The following LRRFIP1 variants were observed in gnomAD, a reference collection of about 807,000 sequenced individuals.
LRRFIP1 encodes the protein leucine-rich repeat flightless-interacting protein 1.
Under a neutral mutation model 104.4 loss-of-function variants are expected in LRRFIP1, and 62 were observed. That is an observed-to-expected ratio of 0.59 (90% confidence interval 0.48 to 0.73). LRRFIP1 has a LOEUF of 0.73. Among genes scored for constraint, LRRFIP1 ranks in the 30% least tolerant of loss-of-function variants. LRRFIP1 has a pLI of 0.00. For synonymous variants in LRRFIP1, 300 were observed against 299.0 expected (o/e 1.00, Z -0.03); for missense variants, 796 against 824.5 (o/e 0.97, Z 0.42).
At chr2:237,675,036 C>T (rs916089764) in intron 1 of LRRFIP1, among the ~76,000 whole-genome samples, 1 of 152,254 alleles carries the variant, frequency 6.6e-6, no homozygotes, top group East Asian at 1.9e-4. Context: ...CTGTGAGCGT[C>T]ACCCCAGCAA....
Position 237,692,626 on chromosome 2 carries a change from G to A in LRRFIP1, c.97-15918G>A. Reference sequence around the variant, plus strand: ...TGGCAGGCGCAGGTGCCCGGGAGGCGTGGGGTGGGCTCTGGCGGGACCCCA... The same window carrying A: ...TGGCAGGCGCAGGTGCCCGGGAGGCATGGGGTGGGCTCTGGCGGGACCCCA... On this transcript the variant is annotated intron_variant, in intron 1 of 23. Coordinates refer to ENST00000308482, the MANE Select transcript of LRRFIP1 (RefSeq NM_001137550.2). 2.2e-6 allele frequency: 3 copies of A among 1,333,440 alleles called. No homozygotes were observed. In the South Asian group the frequency reaches 5.2e-5, roughly 23 times the overall value. 82.6% of individuals were successfully genotyped at this position (1,333,440 alleles called of 1,614,324 possible). A position where few individuals can be genotyped will look rare whatever the true frequency, so the allele number is the denominator to read the frequency against.
At chr2:237,685,870 A>G (rs748865994) in intron 1 of LRRFIP1, among the ~76,000 whole-genome samples, 5 of 152,232 alleles carry the variant, frequency 3.3e-5, no homozygotes, top group Non-Finnish European at 7.3e-5. Flanking sequence ...TCTACCATTT[A>G]TTACACATGC....
chr2:237,688,581 C>T (rs1462677155), intron 1 of LRRFIP1, among the ~76,000 whole-genome samples: 2 of 151,790 alleles, frequency 1.3e-5, no homozygotes, highest in Admixed American at 1.3e-4. Flanking sequence ...GCCTCTGCCT[C>T]CCAAATAGCT....
chr2:237,692,380 T>G (rs935767134), intron 1 of LRRFIP1: 60 of 1,384,916 alleles, frequency 4.3e-5, no homozygotes, highest in Non-Finnish European at 5.5e-5. Flanking sequence ...GCGCGCCCCC[T>G]GGCCCGGCCC....
At chr2:237,655,601 C>T (rs1358957654) in intron 1 of LRRFIP1, among the ~76,000 whole-genome samples, 4 of 152,202 alleles carry the variant, frequency 2.6e-5, no homozygotes, top group Non-Finnish European at 5.9e-5. Context: ...AGTTAGAAAG[C>T]ATGTGGGGAA....
intron 1 of LRRFIP1, among the ~76,000 whole-genome samples, chr2:237,646,460 G>C (rs2084929137): frequency 6.7e-6 from 1 of 149,026 alleles, no homozygotes; most frequent in African/African-American, 2.4e-5. Flanking sequence ...TGCGGTGTTT[G>C]GTTTTCCTAT....
In LRRFIP1 at chr2:237,708,657, C is replaced by G. The variant is rs768886384; in HGVS notation, c.183+27C>G. On this transcript the variant is annotated intron_variant, in intron 2 of 23. Coordinates refer to ENST00000308482, the MANE Select transcript of LRRFIP1 (RefSeq NM_001137550.2). Reference sequence around the variant, plus strand: ...TAACGCTTGGGGCTCCTTGTTGGGTCTTTTCACAGTGATTTGCGTGCTGGG... The same window carrying G: ...TAACGCTTGGGGCTCCTTGTTGGGTGTTTTCACAGTGATTTGCGTGCTGGG... 10 of 1,579,186 alleles carry G rather than the reference C, an allele frequency of 6.3e-6. 1 individual carries two copies. In the South Asian group the frequency reaches 1.0e-4, roughly 16 times the overall value.
Position 237,691,836 on chromosome 2 carries a change from C to T in LRRFIP1, c.97-16708C>T, listed in dbSNP as rs2092784723. ...TCCAGGTCCTCTTTCCGGCGGGGGC[C>T]GGAGGGGTGGTGATGGACAGCCCGG... On this transcript the variant is annotated intron_variant, in intron 1 of 23. Transcript: ENST00000308482. The surrounding 1 kb of genome is among the most constrained non-coding windows in gnomAD (Gnocchi z 5.4). Among the ~76,000 whole-genome samples, 1 of 151,484 alleles carries T rather than the reference C, an allele frequency of 6.6e-6. No homozygotes were observed. Among genetic ancestry groups the T allele is most frequent in the South Asian group, 2.1e-4 (1 of 4,774 alleles).
At chr2:237,749,441 T>C in intron 13 of LRRFIP1, 117 bp downstream of exon 13, 1 of 1,187,060 alleles carries the variant, frequency 8.4e-7, no homozygotes, top group Non-Finnish European at 1.2e-6. Flanking sequence ...TGGTCCTCTC[T>C]CCCTCACCTC....
intron 17 of LRRFIP1, among the ~76,000 whole-genome samples, chr2:237,758,171 C>T (rs903486310): frequency 5.1e-5 from 7 of 137,670 alleles, no homozygotes; most frequent in South Asian, 2.5e-4. Context: ...ACCATCGGCA[C>T]GTTGACTCAA....
At chr2:237,721,550 A>G (rs1389545801) in intron 6 of LRRFIP1, 2 of 152,226 alleles carry the variant, frequency 1.3e-5, no homozygotes, top group Non-Finnish European at 2.9e-5. Flanking sequence ...TGCAGGATTG[A>G]AATTACATCT....
intron 1 of LRRFIP1, chr2:237,684,561 T>C (rs570384891): frequency 1.3e-5 from 2 of 152,370 alleles, no homozygotes; most frequent in East Asian, 3.9e-4. Context: ...TGTTAGCTGG[T>C]GAATGCAGTT....
intron 1 of LRRFIP1, among the ~76,000 whole-genome samples, chr2:237,677,061 CTTAA>C (rs755458479): frequency 5.3e-5 from 8 of 152,324 alleles, no homozygotes; most frequent in South Asian, 2.1e-4. Context: ...AGTTTGCCAT[CTTAA>C]CTATTTTTAA....
intron 1 of LRRFIP1, among the ~76,000 whole-genome samples, chr2:237,704,183 C>T (rs951550675): frequency 7.6e-5 from 11 of 144,612 alleles, no homozygotes; most frequent in South Asian, 2.2e-4. Flanking sequence ...GGCAGAGTCT[C>T]GCTCTGTTGC....
At chr2:237,702,442 T>G (rs930979625) in intron 1 of LRRFIP1, among the ~76,000 whole-genome samples, 1 of 152,130 alleles carries the variant, frequency 6.6e-6, no homozygotes, top group Admixed American at 6.5e-5. Flanking sequence ...TGAACAGGAA[T>G]GGTTCTGGAC....
At chr2:237,742,816 G>A (rs1330410004) in intron 11 of LRRFIP1, among the ~76,000 whole-genome samples, 1 of 152,078 alleles carries the variant, frequency 6.6e-6, no homozygotes, top group Admixed American at 6.5e-5. Context: ...GTGTAAGCGT[G>A]GTGGCAAAGG....
At chr2:237,687,036 A>G (rs2092420421) in intron 1 of LRRFIP1, among the ~76,000 whole-genome samples, 1 of 152,200 alleles carries the variant, frequency 6.6e-6, no homozygotes, top group Non-Finnish European at 1.5e-5. Context: ...TTCTGCTCTG[A>G]GTGAGGCCCC....
chr2:237,663,503 C>G lies in LRRFIP1; in HGVS notation c.96+35763C>G, dbSNP rs1316166604. Among the ~76,000 whole-genome samples the G allele has an allele frequency of 4.6e-5, 7 of 152,350 alleles. No individual in the cohort carries two copies. The East Asian group carries it at 1.4e-3, about 29-fold the overall frequency. ...CCTTCTATGAACAAGAAAGGGGGCC[C>G]TCCCCAGACACTGAATCTGCTGGCA... is the stretch of plus-strand genomic sequence containing the variant. On this transcript the variant is annotated intron_variant, in intron 1 of 23. Coordinates refer to ENST00000308482, the MANE Select transcript of LRRFIP1 (RefSeq NM_001137550.2).
Position 237,779,611 on chromosome 2 carries a change from G to T in LRRFIP1, c.*79G>T. ...GCTTTTCTCTGTCCTATCTGGGAGC[G>T]CTGCTTCTTCCCCTGCCTTCCGAGA... is the stretch of plus-strand genomic sequence containing the variant. On this transcript the variant is annotated 3_prime_UTR_variant, in exon 24 of 24. Transcript: ENST00000308482. 2 of 1,249,464 alleles carry T rather than the reference G, an allele frequency of 1.6e-6. No individual in the cohort carries two copies. The highest frequency in any genetic ancestry group is 1.3e-5 in the South Asian group (1 of 79,702). The allele number at this position is 1,249,464 out of a possible 1,614,324, so 77.4% of individuals were successfully genotyped here.
Sources: gnomAD v4.1 joint callset for allele counts (sites outside exome capture counted in the v4.1 genomes callset) on GRCh38, gnomAD v4.1.1 for gene constraint, Gnocchi (gnomAD v3.1) non-coding constraint, MANE v1.5 for transcripts, NCBI Gene and HGNC (gene_info 2026-07-23, HGNC 2026-07-21) for gene names.